LCP1: variants seen among roughly 807,000 people sequenced by gnomAD.
The protein encoded by LCP1 is plastin-2.
LCP1 carries 23 observed loss-of-function variants against 72.0 expected under a neutral mutation model. The ratio of observed to expected loss-of-function variants is 0.32; its 90% CI spans 0.23 to 0.45. The LOEUF is 0.45. Ranked by LOEUF, LCP1 falls within the 20% of genes least tolerant of loss-of-function variation. The probability of loss-of-function intolerance (pLI) is 1.00; values close to 1 mark genes in which losing one functional copy is unlikely to be tolerated. For missense variants in LCP1, 571 were observed against 748.3 expected (o/e 0.76, Z 2.76); for synonymous variants, 245 against 275.4 (o/e 0.89, Z 1.09).
intron 13 of LCP1, among the ~76,000 whole-genome samples, chr13:46,136,074 TACACACACACACAC>T (rs58984200): frequency 2.4e-4 from 35 of 144,024 alleles, no homozygotes; most frequent in South Asian, 9.4e-4. Flanking sequence ...CATCGTGTGC[TACACACACACACAC>T]ACACACACAC....
intron 13 of LCP1, among the ~76,000 whole-genome samples, chr13:46,141,540 T>C (rs2045698947): frequency 6.7e-6 from 1 of 148,972 alleles, no homozygotes; most frequent in African/African-American, 2.5e-5. Flanking sequence ...AGAATGACAA[T>C]AGATTTCCCC....
At chr13:46,175,597 T>C (rs1033572378) in intron 1 of LCP1, among the ~76,000 whole-genome samples, 2 of 151,964 alleles carry the variant, frequency 1.3e-5, no homozygotes, top group Admixed American at 6.6e-5. Flanking sequence ...AGAAAAACTG[T>C]GTGAACATCA....
intron 13 of LCP1, among the ~76,000 whole-genome samples, chr13:46,141,145 T>C (rs911960405): frequency 2.6e-5 from 4 of 152,002 alleles, no homozygotes; most frequent in African/African-American, 9.7e-5. Context: ...TGGTGGCTCA[T>C]GCCTGTAATC....
rs1455413074 is a variant in LCP1, at chr13:46,159,645, C to T, written c.18G>A (p.Val6=). Reference sequence around the variant, plus strand: ...TGAGCTCCATCATTTCCTCATCGGACACTGATCCTCTGGCCATTTTTTATT... The same window carrying T: ...TGAGCTCCATCATTTCCTCATCGGATACTGATCCTCTGGCCATTTTTTATT... MARGS[V]SDEEMMELRE... The change falls in exon 2 of 16, where the codon GTG becomes GTA. Residue 6 remains valine, a synonymous_variant. Coordinates refer to ENST00000323076, the MANE Select transcript of LCP1 (RefSeq NM_002298.5). 2 of 1,614,094 alleles carry T rather than the reference C, an allele frequency of 1.2e-6. No individual in the cohort carries two copies. Among genetic ancestry groups the T allele is most frequent in the Non-Finnish European group, 8.5e-7 (1 of 1,179,960 alleles).
At chr13:46,175,029 A>G (rs1056365394) in intron 1 of LCP1, among the ~76,000 whole-genome samples, 1 of 152,118 alleles carries the variant, frequency 6.6e-6, no homozygotes, top group African/African-American at 2.4e-5. Flanking sequence ...GAGAGAGAGG[A>G]AAGGTGTGAA....
At chr13:46,145,845 C>T (rs1426209979) in intron 10 of LCP1, among the ~76,000 whole-genome samples, 1 of 68,318 alleles carries the variant, frequency 1.5e-5, no homozygotes, top group Non-Finnish European at 2.6e-5. Flanking sequence ...GGAGGCGGAG[C>T]TTGCAGTGAG....
intron 1 of LCP1, among the ~76,000 whole-genome samples, chr13:46,176,524 A>G (rs1194553087): frequency 6.6e-6 from 1 of 152,208 alleles, no homozygotes; most frequent in Admixed American, 6.5e-5. Context: ...GAAAATATGC[A>G]AATTTTATAC....
At chr13:46,160,035 C>G (rs7985582) in intron 1 of LCP1, among the ~76,000 whole-genome samples, 10 of 152,148 alleles carry the variant, frequency 6.6e-5, no homozygotes, top group Admixed American at 6.5e-4. Context: ...ACTTCTGCTT[C>G]CTTCTTTTTG....
chr13:46,142,544 C>T, intron 12 of LCP1, 119 bp from the exon 13 acceptor site: 1 of 1,071,690 alleles, frequency 9.3e-7, no homozygotes, highest in Non-Finnish European at 1.3e-6. Flanking sequence ...AATGACCTCT[C>T]AAGTCTCAAC....
At chr13:46,145,039 C>G (rs1314870067) in intron 10 of LCP1, among the ~76,000 whole-genome samples, 1 of 151,940 alleles carries the variant, frequency 6.6e-6, no homozygotes, top group Non-Finnish European at 1.5e-5. Flanking sequence ...AATATGCATA[C>G]AAAGGGAGCA....
At chr13:46,172,956 G>T (rs1378443709) in intron 1 of LCP1, among the ~76,000 whole-genome samples, 1 of 152,176 alleles carries the variant, frequency 6.6e-6, no homozygotes, top group African/African-American at 2.4e-5. Context: ...TGGAGTCTTA[G>T]TTTGGTCGAA....
rs1273460318 is a variant in LCP1 at position 46,127,484 on chromosome 13, T to C, written c.*107A>G. On this transcript the variant is annotated 3_prime_UTR_variant, in exon 16 of 16. Coordinates refer to ENST00000323076, the MANE Select transcript of LCP1 (RefSeq NM_002298.5). Reference sequence around the variant, plus strand: ...CTAATATGTGCTTTTTGGAATCTTATAGAGTGTCACCAAGTTGAACTTTGG... The same window carrying C: ...CTAATATGTGCTTTTTGGAATCTTACAGAGTGTCACCAAGTTGAACTTTGG... 1.2e-5 allele frequency: 17 copies of C among 1,415,046 alleles called. No homozygotes were observed. Among genetic ancestry groups the C allele is most frequent in the African/African-American group, 8.5e-5 (6 of 70,458 alleles). The allele number at this position is 1,415,046 out of a possible 1,614,324, so 87.7% of individuals were successfully genotyped here. A position where few individuals can be genotyped will look rare whatever the true frequency, so the allele number is the denominator to read the frequency against.
intron 1 of LCP1, among the ~76,000 whole-genome samples, chr13:46,178,748 A>G (rs1044322266): frequency 8.5e-5 from 13 of 152,246 alleles, no homozygotes; most frequent in African/African-American, 2.7e-4. Flanking sequence ...AAAAAACACT[A>G]GGAAGAAAAT....
chr13:46,136,705 AG>A (rs1428786915), intron 13 of LCP1, among the ~76,000 whole-genome samples: 1 of 152,212 alleles, frequency 6.6e-6, no homozygotes, highest in African/African-American at 2.4e-5. Flanking sequence ...TTAAGTTATT[AG>A]CATTTACTGT....
chr13:46,174,164 A>G (rs1336374979), intron 1 of LCP1, among the ~76,000 whole-genome samples: 1 of 152,260 alleles, frequency 6.6e-6, no homozygotes, highest in Non-Finnish European at 1.5e-5. Context: ...ATTTGTAATA[A>G]TGTGATCTCA....
chr13:46,146,989 C>T lies in LCP1; in HGVS notation c.1093G>A (p.Ala365Thr). 6.2e-7 allele frequency: 1 copy of T among 1,614,028 alleles called. No individual in the cohort carries two copies. Among genetic ancestry groups the T allele is most frequent in the East Asian group, 2.2e-5 (1 of 44,860 alleles). Residue 365 changes from alanine (A) to threonine (T), a missense_variant, in exon 10 of 16, where the codon GCT (alanine) becomes ACT (threonine). Transcript: ENST00000323076. The part of the protein sequence containing the change: ...VVRGNPKLNL[A>T]FIANLFNRYP... ...CTGTTAAAGAGGTTGGCAATAAAAG[C>T]CAAGTTCAACTTGGGGTTCCCTCGG...
chr13:46,144,105 C>T (rs1041331861), intron 11 of LCP1, among the ~76,000 whole-genome samples: 43 of 152,052 alleles, frequency 2.8e-4, no homozygotes, highest in African/African-American at 9.2e-4. Flanking sequence ...AAGAAAATTG[C>T]TTTAACAAGT....
intron 10 of LCP1, among the ~76,000 whole-genome samples, chr13:46,144,747 C>T (rs1566437182): frequency 1.3e-5 from 2 of 152,242 alleles, no homozygotes; most frequent in Admixed American, 6.5e-5. Flanking sequence ...GTGTGGAATC[C>T]TGTGTGGGGT....
At chr13:46,151,111 T>G in intron 7 of LCP1, 33 bp from the exon 8 acceptor site, 1 of 1,585,896 alleles carries the variant, frequency 6.3e-7, no homozygotes, top group Non-Finnish European at 8.6e-7. Context: ...GAAAAATAAA[T>G]GCAGCGATGT....
Sources: gnomAD v4.1 joint callset for allele counts (sites outside exome capture counted in the v4.1 genomes callset) on GRCh38, gnomAD v4.1.1 for gene constraint, MANE v1.5 for transcripts, NCBI Gene and HGNC (gene_info 2026-07-23, HGNC 2026-07-21) for gene names.